GXYLT1: variants seen among roughly 807,000 people sequenced by gnomAD.
GXYLT1 encodes the protein glucoside xylosyltransferase 1, also known as glycosyltransferase 8 domain containing 3.
In GXYLT1, 29 loss-of-function variants were observed where a neutral mutation model predicts 54.0. The ratio of observed to expected loss-of-function variants is 0.54; its 90% CI spans 0.40 to 0.73. The LOEUF is 0.73. GXYLT1 is among the 30% of genes least tolerant of loss of function. The pLI is 0.00. For synonymous variants in GXYLT1, 176 were observed against 204.1 expected (o/e 0.86, Z 1.17); for missense variants, 490 against 553.4 (o/e 0.89, Z 1.15).
chr12:42,135,993 A>T (rs1289346897), intron 1 of GXYLT1, among the ~76,000 whole-genome samples: 1 of 152,226 alleles, frequency 6.6e-6, no homozygotes, highest in African/African-American at 2.4e-5. Flanking sequence ...GAAATATAAG[A>T]ACACATGCAC....
intron 3 of GXYLT1, among the ~76,000 whole-genome samples, chr12:42,112,698 C>T (rs1294340758): frequency 6.6e-6 from 1 of 152,090 alleles, no homozygotes; most frequent in African/African-American, 2.4e-5. Context: ...GAGAATGGAA[C>T]CAAGTTGGAA....
chr12:42,128,553 A>C (rs928241531), intron 2 of GXYLT1, among the ~76,000 whole-genome samples: 1 of 151,942 alleles, frequency 6.6e-6, no homozygotes, highest in African/African-American at 2.4e-5. Context: ...AACTTGTCAC[A>C]CTCTATTGTA....
chr12:42,092,688 C>T (rs1216389328), intron 7 of GXYLT1, among the ~76,000 whole-genome samples: 1 of 152,014 alleles, frequency 6.6e-6, no homozygotes, highest in Non-Finnish European at 1.5e-5. Context: ...ACTTTATTTA[C>T]AAAAGCAACA....
chr12:42,128,827 C>T (rs1388916905), intron 2 of GXYLT1, among the ~76,000 whole-genome samples: 1 of 151,940 alleles, frequency 6.6e-6, no homozygotes, highest in African/African-American at 2.4e-5. Context: ...CGCATGCCAC[C>T]ATGCCTGGGT....
intron 7 of GXYLT1, among the ~76,000 whole-genome samples, chr12:42,088,480 G>A (rs903631769): frequency 6.6e-6 from 1 of 152,032 alleles, no homozygotes; most frequent in African/African-American, 2.4e-5. Flanking sequence ...TAAATATTAG[G>A]CACTCTTCAT....
At chr12:42,088,948 G>A (rs1054757420) in intron 7 of GXYLT1, among the ~76,000 whole-genome samples, 1 of 89,944 alleles carries the variant, frequency 1.1e-5, no homozygotes, top group Non-Finnish European at 2.6e-5. Context: ...CAGAGAAGAG[G>A]ATGAACTTGG....
intron 7 of GXYLT1, among the ~76,000 whole-genome samples, chr12:42,093,259 G>A (rs983489596): frequency 4.6e-5 from 7 of 152,044 alleles, no homozygotes; most frequent in African/African-American, 4.8e-5. Flanking sequence ...CACGATGCCT[G>A]GCTAATTTTT....
At chr12:42,097,743 G>C (rs1256095884) in intron 6 of GXYLT1, 129 bp from the exon 7 acceptor site, 1 of 1,053,888 alleles carries the variant, frequency 9.5e-7, no homozygotes, top group Non-Finnish European at 1.4e-6. Flanking sequence ...CTGGCATTTA[G>C]ATCTCTTCCA....
chr12:42,098,784 T>TATATATATATATATATATATAA (rs1017764424), intron 5 of GXYLT1, among the ~76,000 whole-genome samples: 24 of 134,398 alleles, frequency 1.8e-4, no homozygotes, highest in East Asian at 6.3e-4. Flanking sequence ...TATATATATA[T>TATATATATATATATATATATAA]AATACATGTG....
chr12:42,141,895 G>C (rs936238764), intron 1 of GXYLT1, among the ~76,000 whole-genome samples: 2 of 152,088 alleles, frequency 1.3e-5, no homozygotes, highest in African/African-American at 4.8e-5. Flanking sequence ...CTGAAAAACT[G>C]TTCCTTTCAT....
Position 42,102,381 on chromosome 12 carries a change from T to C in GXYLT1, c.864+3437A>G, listed in dbSNP as rs1278559958. ...CTTTATCACATACATCTTACAAATA[T>C]GTAAAAGCATTGTATCTACTTCATA... On this transcript the variant is annotated intron_variant, in intron 5 of 7. Coordinates refer to ENST00000398675, the MANE Select transcript of GXYLT1 (RefSeq NM_173601.2). Among the ~76,000 whole-genome samples, 4 of 152,222 alleles carry C rather than the reference T, an allele frequency of 2.6e-5. No homozygotes were observed. The East Asian group carries it at 7.7e-4, about 29-fold the overall frequency.
At chr12:42,138,243 G>A (rs1371245484) in intron 1 of GXYLT1, among the ~76,000 whole-genome samples, 3 of 152,170 alleles carry the variant, frequency 2.0e-5, no homozygotes, top group South Asian at 4.1e-4. Flanking sequence ...CTCCAGTCTG[G>A]GTGACAGAGA....
chr12:42,083,289 G>C lies in GXYLT1; in HGVS notation c.*4497C>G, dbSNP rs949485691. On this transcript the variant is annotated 3_prime_UTR_variant, in exon 8 of 8. Transcript: ENST00000398675. ...TGAATTAAGAAACAACATCAGAACA[G>C]TTTAGCCAGATTTTAATAGGCAAAA... 2 of 151,938 alleles carry C rather than the reference G, an allele frequency of 1.3e-5. No homozygotes were observed. The highest frequency in any genetic ancestry group is 4.8e-5 in the African/African-American group (2 of 41,374). The allele number at this position is 151,938 out of a possible 1,614,324, so 9.4% of individuals were successfully genotyped here.
rs946900293 is a variant in GXYLT1, at chr12:42,144,619, G to C, written c.28C>G (p.Leu10Val). 2 of 1,473,836 alleles carry C rather than the reference G, an allele frequency of 1.4e-6. No homozygotes were observed. Among genetic ancestry groups the C allele is most frequent in the African/African-American group, 1.4e-5 (1 of 69,010 alleles). The allele number at this position is 1,473,836 out of a possible 1,614,324, so 91.3% of individuals were successfully genotyped here. ...GAGCAGAAGCCGCAGGCCACACACA[G>C]CACCACGACGCGCAGGTAGCGCCGC... is the stretch of plus-strand genomic sequence containing the variant. MRRYLRVVVLCVACGFCSLL... is the reference protein window; with the variant it reads MRRYLRVVVVCVACGFCSLL... Residue 10 changes from leucine to valine, a missense_variant, in exon 1 of 8, where the codon CTG (leucine) becomes GTG (valine). Coordinates refer to ENST00000398675, the MANE Select transcript of GXYLT1 (RefSeq NM_173601.2).
chr12:42,084,702 G>A lies in GXYLT1; in HGVS notation c.*3084C>T, dbSNP rs953524956. The A allele has an allele frequency of 3.3e-5, 5 of 152,250 alleles. No individual in the cohort carries two copies. Among genetic ancestry groups the A allele is most frequent in the African/African-American group, 1.2e-4 (5 of 41,462 alleles). 9.4% of individuals were successfully genotyped at this position (152,250 alleles called of 1,614,324 possible). A position where few individuals can be genotyped will look rare whatever the true frequency, so the allele number is the denominator to read the frequency against. The stretch of plus-strand genomic sequence containing the variant: ...ACTATACCAATAACATCTGACTGGA[G>A]GCAAGATGAGAGAGCAATGAGTAAG... On this transcript the variant is annotated 3_prime_UTR_variant, in exon 8 of 8. Transcript: ENST00000398675.
chr12:42,122,577 G>A (rs893694051), intron 2 of GXYLT1, among the ~76,000 whole-genome samples: 1 of 152,144 alleles, frequency 6.6e-6, no homozygotes, highest in African/African-American at 2.4e-5. Flanking sequence ...GCAACAGAGC[G>A]AGACTCTTTC....
At chr12:42,102,122 T>C (rs1237255912) in intron 5 of GXYLT1, among the ~76,000 whole-genome samples, 2 of 152,216 alleles carry the variant, frequency 1.3e-5, no homozygotes, top group Non-Finnish European at 2.9e-5. Context: ...TCAAGATCAA[T>C]TAGTTTCATT....
At chr12:42,089,693 T>G (rs2136871285) in intron 7 of GXYLT1, among the ~76,000 whole-genome samples, 1 of 152,278 alleles carries the variant, frequency 6.6e-6, no homozygotes, top group East Asian at 1.9e-4. Flanking sequence ...ACAGCACTAC[T>G]TATCCAAACA....
At chr12:42,140,314 C>T (rs963506409) in intron 1 of GXYLT1, among the ~76,000 whole-genome samples, 1 of 151,250 alleles carries the variant, frequency 6.6e-6, no homozygotes, top group Non-Finnish European at 1.5e-5. Context: ...ATTCCTGGAC[C>T]CCACTGCCAG....
Sources: allele counts gnomAD v4.1 joint callset (sites outside exome capture counted in the v4.1 genomes callset), GRCh38; gene constraint gnomAD v4.1.1; transcripts MANE v1.5; gene names NCBI Gene and HGNC (gene_info 2026-07-23, HGNC 2026-07-21).